FIG4: variants seen among roughly 807,000 people sequenced by gnomAD.
The protein encoded by FIG4 is polyphosphoinositide phosphatase.
Under a neutral mutation model 118.6 loss-of-function variants are expected in FIG4, and 112 were observed. The observed-to-expected ratio is 0.94, with a 90% CI of 0.81 to 1.11. FIG4 has a LOEUF of 1.11. FIG4 is among the 50% of genes least tolerant of loss of function. The pLI is 0.00. For missense variants in FIG4, 969 were observed against 1,111.7 expected, an observed-to-expected ratio of 0.87 and a Z score of 1.83; for synonymous variants, 369 against 381.2, an observed-to-expected ratio of 0.97 and a Z score of 0.37.
chr6:109,771,461 C>CTTTTTTTTTTTTTTTTTTTTTTT (rs71018367), intron 15 of FIG4, among the ~76,000 whole-genome samples: 1 of 86,026 alleles, frequency 1.2e-5, no homozygotes, highest in Non-Finnish European at 2.1e-5. Context: ...TCCTCTAATT[C>CTTTTTTTTTTTTTTTTTTTTTTT]TTTTTTTTTT....
Position 109,731,314 on chromosome 6 carries a change from T to A in FIG4, c.447-1323T>A, listed in dbSNP as rs953524171. Reference sequence around the variant, plus strand: ...AATTGAAAATGCACGTTATCTATAGTGCACAGTGGTTCTTGTTTCCGTGTA... The same window carrying A: ...AATTGAAAATGCACGTTATCTATAGAGCACAGTGGTTCTTGTTTCCGTGTA... On this transcript the variant is annotated intron_variant, in intron 4 of 22. Coordinates refer to ENST00000230124, the MANE Select transcript of FIG4 (RefSeq NM_014845.6). 4.6e-5 allele frequency among the ~76,000 whole-genome samples: 7 copies of A among 152,214 alleles called. No homozygotes were observed. In the South Asian group the frequency reaches 6.2e-4, roughly 13 times the overall value.
At chr6:109,788,637 C>T (rs1345080631) in intron 18 of FIG4, among the ~76,000 whole-genome samples, 1 of 152,168 alleles carries the variant, frequency 6.6e-6, no homozygotes, top group Non-Finnish European at 1.5e-5. Context: ...CAAGCAGTCT[C>T]ACAAACATGG....
Position 109,781,521 on chromosome 6 carries a change from A to G in FIG4, c.1890-3449A>G, listed in dbSNP as rs554327879. ...CTGTTCTGAGACCACTGGGACCATC[A>G]CTCCCCTTGTCCTGGATGCTGTGTT... On this transcript the variant is annotated intron_variant, in intron 16 of 22. Transcript: ENST00000230124. Among the ~76,000 whole-genome samples the G allele has an allele frequency of 1.1e-4, 16 of 151,236 alleles. No individual in the cohort carries two copies. In the South Asian group the frequency reaches 2.3e-3, roughly 22 times the overall value.
At position 109,795,095 on chromosome 6, in the gene FIG4, G is replaced by GT. The variant is rs571649446; in HGVS notation, c.2460-1630dup. 2.3e-3 allele frequency among the ~76,000 whole-genome samples: 133 copies of GT among 57,246 alleles called. 35 individuals are homozygous for GT. Among genetic ancestry groups the GT allele is most frequent in the Non-Finnish European group, 3.2e-3 (93 of 28,706 alleles). The allele number at this position is 57,246 out of a possible 152,430, so 37.6% of individuals were successfully genotyped here. A position where few individuals can be genotyped will look rare whatever the true frequency, so the allele number is the denominator to read the frequency against. On this transcript the variant is annotated intron_variant, in intron 21 of 22. Coordinates refer to ENST00000230124, the MANE Select transcript of FIG4 (RefSeq NM_014845.6). ...TCCTCAAAGCTTCATACACTTGCCA[G>GT]TTTTTTTTTTTTTTTTTTTTTTTTT...
At chr6:109,726,298 A>G (rs528020545) in intron 3 of FIG4, among the ~76,000 whole-genome samples, 4 of 152,318 alleles carry the variant, frequency 2.6e-5, no homozygotes, top group African/African-American at 7.2e-5. Flanking sequence ...GAAGGGGTCC[A>G]GTTTCAGTTT....
At chr6:109,793,518 T>C (rs73525105) in intron 21 of FIG4, among the ~76,000 whole-genome samples, 4,406 of 152,260 alleles carry the variant, frequency 0.029, 226 homozygotes, top group African/African-American at 0.1. Flanking sequence ...AATCCTTCAC[T>C]CAGAAATCCC....
At position 109,775,336 on chromosome 6, in the gene FIG4, G is replaced by A. The variant is rs146110267; in HGVS notation, c.1751-1586G>A. Among the ~76,000 whole-genome samples the A allele has an allele frequency of 1.7e-3, 256 of 152,256 alleles. 1 individual carries two copies. Among genetic ancestry groups the A allele is most frequent in the African/African-American group, 5.8e-3 (242 of 41,564 alleles). On this transcript the variant is annotated intron_variant, in intron 15 of 22. Coordinates refer to ENST00000230124, the MANE Select transcript of FIG4 (RefSeq NM_014845.6). ...CATACATGTATTTTCAGTTGCAGCA[G>A]CAGTACTTCCAAAAAGGCTTCTTTA...
At chr6:109,714,206 A>C (rs1031279212) in intron 1 of FIG4, among the ~76,000 whole-genome samples, 1 of 151,982 alleles carries the variant, frequency 6.6e-6, no homozygotes, top group African/African-American at 2.4e-5. Context: ...GTTTCTCCTT[A>C]CCAGTTCAAC....
At chr6:109,725,803 A>G (rs1192603993) in intron 3 of FIG4, among the ~76,000 whole-genome samples, 1 of 152,200 alleles carries the variant, frequency 6.6e-6, no homozygotes, top group East Asian at 1.9e-4. Context: ...AACTGGTGTG[A>G]GATGGTATCT....
At chr6:109,692,817 C>T (rs1296983592) in intron 1 of FIG4, among the ~76,000 whole-genome samples, 1 of 152,018 alleles carries the variant, frequency 6.6e-6, no homozygotes, top group Non-Finnish European at 1.5e-5. Context: ...TCTCGCACCC[C>T]AGCCTCCCAA....
At chr6:109,791,709 G>T (rs888807143) in intron 20 of FIG4, 138 bp downstream of exon 20, 13 of 751,994 alleles carry the variant, frequency 1.7e-5, no homozygotes, top group Middle Eastern at 3.5e-4. Context: ...TGCATAAGAT[G>T]AATACATTTA....
intron 22 of FIG4, among the ~76,000 whole-genome samples, chr6:109,798,744 A>G (rs1778353410): frequency 6.6e-6 from 1 of 152,118 alleles, no homozygotes; most frequent in South Asian, 2.1e-4. Context: ...CCCAGACCAT[A>G]TTTTATCACA....
intron 11 of FIG4, among the ~76,000 whole-genome samples, chr6:109,761,361 TTTG>T (rs1308910354): frequency 2.6e-5 from 4 of 151,810 alleles, no homozygotes; most frequent in East Asian, 1.9e-4. Flanking sequence ...TGGCTAATTT[TTTG>T]TTGTTGTTGT....
chr6:109,795,095 G>GTTGTTTTT (rs1778241142), intron 21 of FIG4, among the ~76,000 whole-genome samples: 8 of 57,250 alleles, frequency 1.4e-4, no homozygotes, highest in African/African-American at 3.5e-4. Context: ...ACACTTGCCA[G>GTTGTTTTT]TTTTTTTTTT....
intron 19 of FIG4, among the ~76,000 whole-genome samples, chr6:109,790,508 G>A (rs1778107455): frequency 6.6e-6 from 1 of 152,214 alleles, no homozygotes; most frequent in Admixed American, 6.5e-5. Context: ...CTATATTAGT[G>A]TGTGTCACAG....
chr6:109,716,048 C>A (rs554878197), intron 2 of FIG4, among the ~76,000 whole-genome samples: 3 of 152,116 alleles, frequency 2.0e-5, no homozygotes, highest in Non-Finnish European at 2.9e-5. Flanking sequence ...ATTTGGAGAT[C>A]GGAGCAATTG....
At chr6:109,813,996 C>T (rs1778790744) in intron 22 of FIG4, among the ~76,000 whole-genome samples, 1 of 152,184 alleles carries the variant, frequency 6.6e-6, no homozygotes. Flanking sequence ...CTAAGCCCCT[C>T]TCAGATCCCT....
chr6:109,767,024 C>T (rs1235704318), intron 15 of FIG4, 129 bp downstream of exon 15: 1 of 726,186 alleles, frequency 1.4e-6, no homozygotes, highest in Non-Finnish European at 2.3e-6. Flanking sequence ...CAGTCTGTCA[C>T]TTAGAAGGTG....
At chr6:109,780,429 C>T (rs768381321) in intron 16 of FIG4, among the ~76,000 whole-genome samples, 1 of 152,074 alleles carries the variant, frequency 6.6e-6, no homozygotes, top group Non-Finnish European at 1.5e-5. Context: ...CCCAGGCTGG[C>T]CTCCAACTCC....
Sources: gnomAD v4.1 joint callset for allele counts (sites outside exome capture counted in the v4.1 genomes callset) on GRCh38, gnomAD v4.1.1 for gene constraint, MANE v1.5 for transcripts, NCBI Gene and HGNC (gene_info 2026-07-23, HGNC 2026-07-21) for gene names.